Variants in MLLT10 observed in about 807,000 individuals in gnomAD.
MLLT10 encodes the protein MLLT10 histone lysine methyltransferase DOT1L cofactor.
A neutral mutation model predicts 129.1 loss-of-function variants in MLLT10; 30 were observed. The observed-to-expected ratio is 0.23, with a 90% CI of 0.17 to 0.32. MLLT10 has a LOEUF of 0.32. Among genes scored for constraint, MLLT10 ranks in the 10% least tolerant of loss-of-function variants. MLLT10 has a pLI of 1.00. For missense variants in MLLT10, 1,119 were observed against 1,268.3 expected (o/e 0.88, Z 1.79); for synonymous variants, 490 against 446.4 (o/e 1.10, Z -1.23).
intron 14 of MLLT10, among the ~76,000 whole-genome samples, chr10:21,722,753 C>T (rs1169159322): frequency 2.0e-5 from 3 of 152,006 alleles, no homozygotes; most frequent in African/African-American, 4.8e-5. Flanking sequence ...CCAGTCTTTC[C>T]GAAAGACTCA....
chr10:21,731,596 C>T (rs1437782263), intron 17 of MLLT10, among the ~76,000 whole-genome samples: 7 of 151,792 alleles, frequency 4.6e-5, no homozygotes, highest in South Asian at 2.1e-4. Context: ...CAAGTATGGC[C>T]GGCTAGCTTC....
intron 5 of MLLT10, among the ~76,000 whole-genome samples, chr10:21,609,213 T>C (rs1354153782): frequency 2.6e-5 from 4 of 152,168 alleles, no homozygotes; most frequent in Non-Finnish European, 5.9e-5. Context: ...CCTTAACCTC[T>C]TAGCCAGTTA....
chr10:21,539,819 C>T (rs1334707895), intron 3 of MLLT10, among the ~76,000 whole-genome samples: 3 of 151,838 alleles, frequency 2.0e-5, no homozygotes, highest in Non-Finnish European at 4.4e-5. Flanking sequence ...GGTGGCACGC[C>T]CTATAATCCC....
At position 21,730,893 on chromosome 10, in the gene MLLT10, TC is replaced by T. The variant is rs2057916981; in HGVS notation, c.2064-6del. On this transcript the variant is annotated splice_polypyrimidine_tract_variant and splice_region_variant and intron_variant, in intron 16 of 22. Coordinates refer to ENST00000307729, the MANE Select transcript of MLLT10 (RefSeq NM_001195626.3). ...CTTCTTTTTAACTTGAGAATTGTTT[TC>T]AACAGATCCCCTGTAAGCAGCTTAC... is the stretch of plus-strand genomic sequence containing the variant. 1 of 1,614,038 alleles carries T rather than the reference TC, an allele frequency of 6.2e-7. No individual in the cohort carries two copies. The highest frequency in any genetic ancestry group is 1.3e-5 in the African/African-American group (1 of 74,942).
intron 13 of MLLT10, among the ~76,000 whole-genome samples, chr10:21,704,345 CTCTCTCTCTCTCTATA>C (rs1027241214): frequency 1.7e-4 from 10 of 59,796 alleles, no homozygotes; most frequent in African/African-American, 3.5e-4. Context: ...CTCTCTCTCT[CTCTCTCTCTCTCTATA>C]TATATATATA....
intron 5 of MLLT10, among the ~76,000 whole-genome samples, chr10:21,599,640 C>T (rs1428934690): frequency 6.6e-6 from 1 of 152,152 alleles, no homozygotes; most frequent in East Asian, 1.9e-4. Context: ...TTTTGGCTCA[C>T]TGCAGCCTCG....
intron 8 of MLLT10, among the ~76,000 whole-genome samples, chr10:21,649,183 CT>C (rs1319367025): frequency 1.3e-5 from 2 of 152,194 alleles, no homozygotes; most frequent in African/African-American, 4.8e-5. Flanking sequence ...TCAAGCAATC[CT>C]CCCGCCTTGG....
At chr10:21,716,947 T>C (rs2056606767) in intron 14 of MLLT10, among the ~76,000 whole-genome samples, 1 of 151,736 alleles carries the variant, frequency 6.6e-6, no homozygotes, top group Non-Finnish European at 1.5e-5. Flanking sequence ...TACATTGCCT[T>C]ATTTGGTATC....
intron 13 of MLLT10, chr10:21,708,654 G>C (rs935536397): frequency 2.0e-6 from 2 of 984,800 alleles, no homozygotes; most frequent in Non-Finnish European, 2.4e-6. Context: ...GCGTAATTTC[G>C]TATGTAAGTA....
At position 21,621,639 on chromosome 10, in the gene MLLT10, C is replaced by T. The variant is rs375523435; in HGVS notation, c.699+4432C>T. On this transcript the variant is annotated intron_variant, in intron 8 of 22. Coordinates refer to ENST00000307729, the MANE Select transcript of MLLT10 (RefSeq NM_001195626.3). ...CACCCCGCCCCCGCCCCCAATCCCA[C>T]TGGCGCCACGAGGGAGATGGCAGGG... Among the ~76,000 whole-genome samples the T allele has an allele frequency of 2.9e-4, 44 of 149,718 alleles. No individual in the cohort carries two copies. The East Asian group carries it at 8.2e-3, about 28-fold the overall frequency.
chr10:21,594,159 G>T (rs1434590192), intron 4 of MLLT10, among the ~76,000 whole-genome samples: 1 of 151,982 alleles, frequency 6.6e-6, no homozygotes, highest in South Asian at 2.1e-4. Context: ...TTGCCCTTCA[G>T]TGTTGCATCT....
chr10:21,567,445 G>A (rs1421329518), intron 3 of MLLT10, among the ~76,000 whole-genome samples: 7 of 152,148 alleles, frequency 4.6e-5, no homozygotes, highest in Admixed American at 1.3e-4. Flanking sequence ...GGTCTTCTCT[G>A]CTACCACTCC....
At chr10:21,626,984 CAGTT>C (rs1295836250) in intron 8 of MLLT10, among the ~76,000 whole-genome samples, 1 of 152,018 alleles carries the variant, frequency 6.6e-6, no homozygotes, top group East Asian at 1.9e-4. Context: ...AATTTATAAG[CAGTT>C]AGAGTTTTAG....
At chr10:21,538,605 C>T (rs1448077585) in intron 2 of MLLT10, among the ~76,000 whole-genome samples, 2 of 151,938 alleles carry the variant, frequency 1.3e-5, no homozygotes, top group Non-Finnish European at 2.9e-5. Flanking sequence ...TTGCACCCAG[C>T]CTTGATTTAT....
chr10:21,556,660 T>C (rs1272354424), intron 3 of MLLT10: 1 of 1,611,284 alleles, frequency 6.2e-7, no homozygotes, highest in Admixed American at 1.7e-5. Flanking sequence ...GCAATTCCTG[T>C]TGGTTAGCCT....
chr10:21,558,027 G>T (rs974953445), intron 3 of MLLT10, among the ~76,000 whole-genome samples: 1 of 131,310 alleles, frequency 7.6e-6, no homozygotes, highest in African/African-American at 3.0e-5. Flanking sequence ...TGGGCTCACT[G>T]CAACCCCTGC....
chr10:21,676,331 T>C (rs903391484), intron 11 of MLLT10, among the ~76,000 whole-genome samples: 6 of 151,202 alleles, frequency 4.0e-5, no homozygotes, highest in African/African-American at 1.5e-4. Context: ...GGCAGGAGAA[T>C]GGCGTGAACC....
In MLLT10 at chr10:21,534,536, G is replaced by C; in HGVS notation, c.-1+16G>C. The stretch of plus-strand genomic sequence containing the variant: ...CAAAGCCCGAGTGAGCGAGCGGTGG[G>C]CTGCCGGGCCGGGCGGGGGGCGCCG... On this transcript the variant is annotated intron_variant, in intron 1 of 22. Coordinates refer to ENST00000307729, the MANE Select transcript of MLLT10 (RefSeq NM_001195626.3). 1 of 1,249,244 alleles carries C rather than the reference G, an allele frequency of 8.0e-7. No homozygotes were observed. The highest frequency in any genetic ancestry group is 1.1e-6 in the Non-Finnish European group (1 of 916,888). The allele number at this position is 1,249,244 out of a possible 1,614,324, so 77.4% of individuals were successfully genotyped here. A position where few individuals can be genotyped will look rare whatever the true frequency, so the allele number is the denominator to read the frequency against.
chr10:21,542,545 G>T (rs1419393275), intron 3 of MLLT10, among the ~76,000 whole-genome samples: 1 of 152,178 alleles, frequency 6.6e-6, no homozygotes, highest in Non-Finnish European at 1.5e-5. Context: ...ACTCCATCTT[G>T]GGCAATGAGT....
Sources: allele counts gnomAD v4.1 joint callset (sites outside exome capture counted in the v4.1 genomes callset), GRCh38; gene constraint gnomAD v4.1.1; transcripts MANE v1.5; gene names NCBI Gene and HGNC (gene_info 2026-07-23, HGNC 2026-07-21).